Variants in SSH2 observed in about 807,000 individuals in gnomAD.
The protein encoded by SSH2 is slingshot protein phosphatase 2, also known as protein phosphatase Slingshot homolog 2.
Under a neutral mutation model 135.2 loss-of-function variants are expected in SSH2, and 37 were observed. That is an observed-to-expected ratio of 0.27 (90% CI 0.21 to 0.36). The LOEUF is 0.36. SSH2 is among the 10% of genes least tolerant of loss of function. SSH2 has a pLI of 1.00. For missense variants in SSH2, 1,408 were observed against 1,765.3 expected (o/e 0.80, Z 3.63); for synonymous variants, 628 against 646.2 (o/e 0.97, Z 0.43).
Position 29,913,347 on chromosome 17 carries a change from A to AAAAAAAAAAAAAAAAAAAATTAT in SSH2, c.63+16590_63+16591insATAATTTTTTTTTTTTTTTTTTT. ...AAAAAAAAAAAAAAAAAAAAAAAAA[A>AAAAAAAAAAAAAAAAAAAATTAT]ATATATATATATATATATATATATA... On this transcript the variant is annotated intron_variant, in intron 1 of 15. Transcript: ENST00000540801. 6.9e-5 allele frequency among the ~76,000 whole-genome samples: 2 copies of AAAAAAAAAAAAAAAAAAAATTAT among 28,778 alleles called. 1 individual carries two copies. The highest frequency in any genetic ancestry group is 1.2e-4 in the Non-Finnish European group (2 of 16,996). 18.9% of individuals were successfully genotyped at this position (28,778 alleles called of 152,430 possible).
At position 29,636,545 on chromosome 17, in the gene SSH2, C is replaced by T; in HGVS notation, c.1685G>A (p.Arg562Lys). 6.2e-7 allele frequency: 1 copy of T among 1,614,168 alleles called. No homozygotes were observed. Among genetic ancestry groups the T allele is most frequent in the Non-Finnish European group, 8.5e-7 (1 of 1,180,030 alleles). The change falls in exon 15 of 16, where the codon AGG becomes AAG. Residue 562 changes from arginine to lysine, a missense_variant. Arg to Lys is a conservative substitution (Grantham distance 26). Transcript: ENST00000540801. ...CTCAATCTGTCCAGCATGAAATTCC[C>T]TAGAAGTAAACTCCAAGCAGATCAT... ...ERMICLEFTS[R>K]EFHAGQIEDE...
rs1037331293 is a variant in SSH2, at chr17:29,716,180, C to T, written c.189-13118G>A. On this transcript the variant is annotated intron_variant, in intron 3 of 15. Transcript: ENST00000540801. The stretch of plus-strand genomic sequence containing the variant: ...TACTTCTCCTCAGCCTGGAAACATG[C>T]TTAAGTCTGGTCTCTCATACCCTTA... 4.7e-5 allele frequency: 10 copies of T among 213,844 alleles called. No individual in the cohort carries two copies. The Admixed American group carries it at 4.9e-4, about 10-fold the overall frequency. The allele number at this position is 213,844 out of a possible 1,614,324, so 13.2% of individuals were successfully genotyped here.
chr17:29,817,869 C>T (rs1460338148), intron 2 of SSH2, among the ~76,000 whole-genome samples: 1 of 151,932 alleles, frequency 6.6e-6, no homozygotes. Context: ...GGGATCCTCC[C>T]GCCTCAGCCT....
Position 29,690,599 on chromosome 17 carries a change from A to C in SSH2, c.357+4860T>G, listed in dbSNP as rs148568800. Among the ~76,000 whole-genome samples the C allele has an allele frequency of 5.6e-3, 850 of 152,144 alleles. 5 individuals are homozygous for C. The highest frequency in any genetic ancestry group is 9.8e-3 in the Non-Finnish European group (663 of 67,992). On this transcript the variant is annotated intron_variant, in intron 5 of 15. Transcript: ENST00000540801. ...AGGTTCCAAAAGTAGGTAAATATTA[A>C]ATGCTAGTCAAAAGAATGAAGCAAA...
chr17:29,678,532 G>C (rs2037822572), intron 6 of SSH2, among the ~76,000 whole-genome samples: 1 of 152,148 alleles, frequency 6.6e-6, no homozygotes, highest in African/African-American at 2.4e-5. Flanking sequence ...ATTAAAAAAT[G>C]TAAAGAAGTA....
intron 3 of SSH2, among the ~76,000 whole-genome samples, chr17:29,715,831 G>C (rs1414116532): frequency 1.3e-5 from 2 of 152,134 alleles, no homozygotes; most frequent in East Asian, 3.8e-4. Flanking sequence ...TCAGTGCAAG[G>C]ATATCAGAGA....
intron 3 of SSH2, among the ~76,000 whole-genome samples, chr17:29,746,509 C>CT (rs1304483831): frequency 7.3e-6 from 1 of 136,698 alleles, no homozygotes; most frequent in Admixed American, 7.9e-5. Context: ...GATCATACCA[C>CT]TGCACTCCAG....
chr17:29,651,593 C>G (rs2036579975), intron 12 of SSH2, among the ~76,000 whole-genome samples: 1 of 152,208 alleles, frequency 6.6e-6, no homozygotes. Context: ...AGCTGGATGT[C>G]TAAGTTTACT....
At chr17:29,795,662 G>T (rs1352284018) in intron 2 of SSH2, among the ~76,000 whole-genome samples, 1 of 152,086 alleles carries the variant, frequency 6.6e-6, no homozygotes, top group African/African-American at 2.4e-5. Context: ...ATGATTTCCT[G>T]GAATATCATT....
intron 1 of SSH2, among the ~76,000 whole-genome samples, chr17:29,865,705 T>C (rs1343258200): frequency 6.6e-6 from 1 of 152,078 alleles, no homozygotes; most frequent in African/African-American, 2.4e-5. Context: ...GCAGAGAAAA[T>C]AGCAATGGAA....
Position 29,627,055 on chromosome 17 carries a change from T to C in SSH2, c.*3786A>G, listed in dbSNP as rs989516786. The C allele has an allele frequency of 3.9e-5, 6 of 152,450 alleles. No individual in the cohort carries two copies. Among genetic ancestry groups the C allele is most frequent in the African/African-American group, 1.4e-4 (6 of 41,456 alleles). 9.4% of individuals were successfully genotyped at this position (152,450 alleles called of 1,614,324 possible). A position where few individuals can be genotyped will look rare whatever the true frequency, so the allele number is the denominator to read the frequency against. On this transcript the variant is annotated 3_prime_UTR_variant, in exon 16 of 16. Transcript: ENST00000540801. ...ACAGACGGAAGTCAGCTTCAGCGTA[T>C]ACCCACTTACTCACAAGGGCTGACC...
At chr17:29,679,127 TG>T (rs2037856574) in intron 6 of SSH2, among the ~76,000 whole-genome samples, 1 of 152,178 alleles carries the variant, frequency 6.6e-6, no homozygotes, top group South Asian at 2.1e-4. Context: ...ATCTCTTCTC[TG>T]GGAAACAGTA....
At chr17:29,921,183 C>T (rs1467782523) in intron 1 of SSH2, among the ~76,000 whole-genome samples, 1 of 152,208 alleles carries the variant, frequency 6.6e-6, no homozygotes. Flanking sequence ...GGACAATTCA[C>T]TTCACTTATC....
chr17:29,691,692 G>A (rs2038483937), intron 5 of SSH2, among the ~76,000 whole-genome samples: 1 of 151,406 alleles, frequency 6.6e-6, no homozygotes, highest in Non-Finnish European at 1.5e-5. Flanking sequence ...GGGTTTCGCC[G>A]TGTTAGCCAG....
chr17:29,684,915 A>G, intron 5 of SSH2, among the ~76,000 whole-genome samples: 1 of 151,300 alleles, frequency 6.6e-6, no homozygotes, highest in Non-Finnish European at 1.5e-5. Context: ...TGTTTTAAGA[A>G]TCTTATAAAA....
intron 3 of SSH2, among the ~76,000 whole-genome samples, chr17:29,746,637 TATTAAC>T (rs1336846989): frequency 6.6e-6 from 1 of 150,820 alleles, no homozygotes; most frequent in African/African-American, 2.4e-5. Flanking sequence ...GAACTGTGTA[TATTAAC>T]ATTAAGAGAA....
chr17:29,684,162 G>C lies in SSH2; in HGVS notation c.479+401C>G, dbSNP rs115924598. 3.6e-3 allele frequency among the ~76,000 whole-genome samples: 550 copies of C among 152,228 alleles called. 3 individuals are homozygous for C. The highest frequency in any genetic ancestry group is 0.013 in the African/African-American group (535 of 41,518). ...TTTTATGTCTTGTACTTTAACAGCA[G>C]AACTGCACAAGATATTTTTGTGATA... On this transcript the variant is annotated intron_variant, in intron 6 of 15. Transcript: ENST00000540801.
intron 1 of SSH2, chr17:29,863,772 T>C (rs1161310131): frequency 6.6e-6 from 1 of 152,196 alleles, no homozygotes. Flanking sequence ...AATCTATAAG[T>C]AGATTTTGTG....
intron 14 of SSH2, among the ~76,000 whole-genome samples, chr17:29,646,873 T>G (rs1454022722): frequency 6.6e-6 from 1 of 152,162 alleles, no homozygotes; most frequent in African/African-American, 2.4e-5. Context: ...CACATCCGTA[T>G]TCTGCTGATT....
Sources: gnomAD v4.1 joint callset for allele counts (sites outside exome capture counted in the v4.1 genomes callset) on GRCh38, gnomAD v4.1.1 for gene constraint, MANE v1.5 for transcripts, NCBI Gene and HGNC (gene_info 2026-07-23, HGNC 2026-07-21) for gene names.